The following CNTNAP4 variants were observed in gnomAD, a reference collection of about 807,000 sequenced individuals.
The protein encoded by CNTNAP4 is contactin-associated protein-like 4.
CNTNAP4 carries 98 observed loss-of-function variants against 148.4 expected under a neutral mutation model. The observed-to-expected ratio is 0.66, with a 90% CI of 0.56 to 0.78. CNTNAP4 has a LOEUF of 0.78. Among genes scored for constraint, CNTNAP4 ranks in the 30% least tolerant of loss-of-function variants. The probability of loss-of-function intolerance (pLI) is 0.00; values close to 1 mark genes in which losing one functional copy is unlikely to be tolerated. For missense variants in CNTNAP4, 1,935 were observed against 1,565.6 expected (o/e 1.24, Z -3.98); for synonymous variants, 730 against 565.1 (o/e 1.29, Z -4.14).
rs555669807 is a variant in CNTNAP4, at chr16:76,345,787, G to C, written c.197-9531G>C. ...GAAGATTTACACCTCAAGGGGCAGA[G>C]ACAGAATTTACAATATTAAGTTTTA... On this transcript the variant is annotated intron_variant, in intron 2 of 23. Transcript: ENST00000611870. Among the ~76,000 whole-genome samples the C allele has an allele frequency of 5.3e-5, 8 of 152,282 alleles. No individual in the cohort carries two copies. The East Asian group carries it at 1.5e-3, about 29-fold the overall frequency.
chr16:76,470,171 G>A (rs2081313319), intron 10 of CNTNAP4, among the ~76,000 whole-genome samples: 1 of 152,042 alleles, frequency 6.6e-6, no homozygotes. Flanking sequence ...GCTAAGAAAA[G>A]GCAGAGCCCA....
At chr16:76,397,703 T>A (rs956730804) in intron 3 of CNTNAP4, among the ~76,000 whole-genome samples, 2 of 151,670 alleles carry the variant, frequency 1.3e-5, no homozygotes, top group Non-Finnish European at 2.9e-5. Context: ...GACCATAAAG[T>A]ACTAGTGCTA....
chr16:76,344,583 G>A (rs1056798899), intron 2 of CNTNAP4, among the ~76,000 whole-genome samples: 8 of 152,166 alleles, frequency 5.3e-5, no homozygotes, highest in Admixed American at 1.3e-4. Context: ...GTTCTAAACC[G>A]CTGAGTCTGA....
intron 14 of CNTNAP4, 159 bp downstream of exon 14, chr16:76,495,225 TA>T: frequency 1.5e-6 from 1 of 652,250 alleles, no homozygotes; most frequent in Non-Finnish European, 2.5e-6. Context: ...ATATAATCGT[TA>T]GTATTAAGTC....
chr16:76,511,873 T>C (rs116250029), intron 15 of CNTNAP4, among the ~76,000 whole-genome samples: 303 of 135,248 alleles, frequency 2.2e-3, no homozygotes, highest in African/African-American at 7.8e-3. Context: ...CAATAATCAA[T>C]TGAAATATGT....
At chr16:76,538,497 T>A (rs1188990224) in intron 19 of CNTNAP4, among the ~76,000 whole-genome samples, 157 bp downstream of exon 19, 1 of 152,086 alleles carries the variant, frequency 6.6e-6, no homozygotes, top group Non-Finnish European at 1.5e-5. Context: ...CCTATAAGTA[T>A]AATCTAAAAG....
At chr16:76,473,637 G>T (rs1442654736) in intron 10 of CNTNAP4, among the ~76,000 whole-genome samples, 5 of 152,044 alleles carry the variant, frequency 3.3e-5, no homozygotes, top group Non-Finnish European at 5.9e-5. Context: ...AGCCAAGCGT[G>T]GTGGCAGGCA....
At chr16:76,468,534 C>T (rs753479851) in intron 10 of CNTNAP4, among the ~76,000 whole-genome samples, 17 of 152,090 alleles carry the variant, frequency 1.1e-4, no homozygotes, top group Non-Finnish European at 2.1e-4. Flanking sequence ...GTCGCCCAAG[C>T]TAGAGTGCAG....
Position 76,312,877 on chromosome 16 carries a change from C to G in CNTNAP4, c.86-3536C>G, listed in dbSNP as rs538156601. Among the ~76,000 whole-genome samples, 126 of 152,260 alleles carry G rather than the reference C, an allele frequency of 8.3e-4. 5 individuals carry two copies. In the South Asian group the frequency reaches 0.022, roughly 27 times the overall value. On this transcript the variant is annotated intron_variant, in intron 1 of 23. Transcript: ENST00000611870. Reference sequence around the variant, plus strand: ...CTATGTGTGGCAGGATTATAACTTCCTAGCACAGAGTGCTCTCTAAATGTG... The same window carrying G: ...CTATGTGTGGCAGGATTATAACTTCGTAGCACAGAGTGCTCTCTAAATGTG...
At chr16:76,393,936 A>G (rs1453817316) in intron 3 of CNTNAP4, among the ~76,000 whole-genome samples, 1 of 152,226 alleles carries the variant, frequency 6.6e-6, no homozygotes, top group Admixed American at 6.5e-5. Flanking sequence ...ATTTTCGCCA[A>G]CAGAAACTCT....
chr16:76,388,076 A>G (rs909311444), intron 3 of CNTNAP4, among the ~76,000 whole-genome samples: 3 of 152,192 alleles, frequency 2.0e-5, no homozygotes, highest in African/African-American at 7.2e-5. Context: ...TCAGTCACTG[A>G]CTTGAGAGAA....
chr16:76,479,564 A>C, intron 12 of CNTNAP4, 26 bp downstream of exon 12: 1 of 1,594,132 alleles, frequency 6.3e-7, no homozygotes. Context: ...TTTATTTTAC[A>C]GTTAAATTTG....
At chr16:76,482,811 G>T (rs2081884744) in intron 12 of CNTNAP4, among the ~76,000 whole-genome samples, 1 of 152,178 alleles carries the variant, frequency 6.6e-6, no homozygotes, top group Non-Finnish European at 1.5e-5. Context: ...CAACCACTGA[G>T]TTGGGCCAAT....
At chr16:76,293,861 G>C (rs534939030) in intron 1 of CNTNAP4, among the ~76,000 whole-genome samples, 1 of 148,290 alleles carries the variant, frequency 6.7e-6, no homozygotes, top group Non-Finnish European at 1.5e-5. Context: ...ATTGATGCCC[G>C]TGACTGAATG....
At chr16:76,513,867 A>G (rs1027029014) in intron 15 of CNTNAP4, among the ~76,000 whole-genome samples, 6 of 152,224 alleles carry the variant, frequency 3.9e-5, no homozygotes, top group Non-Finnish European at 8.8e-5. Context: ...TAAATGGCCA[A>G]TAAAAAGCTC....
At chr16:76,514,074 C>G (rs1568462288) in intron 15 of CNTNAP4, among the ~76,000 whole-genome samples, 1 of 152,088 alleles carries the variant, frequency 6.6e-6, no homozygotes, top group Non-Finnish European at 1.5e-5. Context: ...AATATGTTCT[C>G]CTTTTATATT....
intron 10 of CNTNAP4, among the ~76,000 whole-genome samples, chr16:76,472,256 G>C (rs2081403214): frequency 6.6e-6 from 1 of 151,834 alleles, no homozygotes; most frequent in Admixed American, 6.6e-5. Flanking sequence ...GTTACTAGTA[G>C]TAAACATTAT....
chr16:76,332,028 C>T (rs1044939566), intron 2 of CNTNAP4, among the ~76,000 whole-genome samples: 1 of 152,202 alleles, frequency 6.6e-6, no homozygotes, highest in Non-Finnish European at 1.5e-5. Context: ...TTAAATATAT[C>T]ATCCCACTGC....
chr16:76,490,841 T>C (rs1482919984), intron 13 of CNTNAP4, among the ~76,000 whole-genome samples: 1 of 152,128 alleles, frequency 6.6e-6, no homozygotes, highest in African/African-American at 2.4e-5. Flanking sequence ...TGAGGTGTAT[T>C]TTTCTTTACA....
Sources: gnomAD v4.1 joint callset for allele counts (sites outside exome capture counted in the v4.1 genomes callset) on GRCh38, gnomAD v4.1.1 for gene constraint, MANE v1.5 for transcripts, NCBI Gene and HGNC (gene_info 2026-07-23, HGNC 2026-07-21) for gene names.